The following AHCYL2 variants were observed in gnomAD, a reference collection of about 807,000 sequenced individuals.
The protein encoded by AHCYL2 is S-adenosylhomocysteine hydrolase-like protein 2.
A neutral mutation model predicts 81.4 loss-of-function variants in AHCYL2; 28 were observed. The observed-to-expected ratio is 0.34, with a 90% CI of 0.25 to 0.47. AHCYL2 has a LOEUF of 0.47. Among genes scored for constraint, AHCYL2 ranks in the 20% least tolerant of loss-of-function variants. The pLI is 1.00. For synonymous variants in AHCYL2, 272 were observed against 290.2 expected (o/e 0.94, Z 0.64); for missense variants, 551 against 785.1 (o/e 0.70, Z 3.56).
At chr7:129,234,359 C>T (rs1284864232) in intron 1 of AHCYL2, among the ~76,000 whole-genome samples, 1 of 152,154 alleles carries the variant, frequency 6.6e-6, no homozygotes, top group African/African-American at 2.4e-5. Context: ...ATTCTGCTGC[C>T]TCGGCCTCTC....
intron 1 of AHCYL2, among the ~76,000 whole-genome samples, chr7:129,359,294 C>A (rs1035914181): frequency 6.6e-6 from 1 of 152,112 alleles, no homozygotes; most frequent in Non-Finnish European, 1.5e-5. Context: ...ATAGGCAGAA[C>A]TGATCAGTGG....
intron 1 of AHCYL2, among the ~76,000 whole-genome samples, chr7:129,228,021 A>C (rs1042464168): frequency 6.6e-6 from 1 of 152,208 alleles, no homozygotes; most frequent in Non-Finnish European, 1.5e-5. Flanking sequence ...CATCTCACCA[A>C]GGAACTGCAG....
rs755547224 is a variant in AHCYL2 at position 129,225,036 on chromosome 7, A to G, written c.-41A>G. 5.1e-6 allele frequency: 8 copies of G among 1,560,740 alleles called. No homozygotes were observed. Among genetic ancestry groups the G allele is most frequent in the African/African-American group, 1.4e-5 (1 of 73,512 alleles). ...GTGGGAGGCGGGGCCGACCAAGAGC[A>G]GGAGCTGGAGTCTGAGCCGGTGGTT... is the stretch of plus-strand genomic sequence containing the variant. On this transcript the variant is annotated 5_prime_UTR_variant, in exon 1 of 17. Transcript: ENST00000325006.
At chr7:129,325,499 G>A (rs1018350070) in intron 1 of AHCYL2, among the ~76,000 whole-genome samples, 2 of 151,934 alleles carry the variant, frequency 1.3e-5, no homozygotes, top group Non-Finnish European at 2.9e-5. Flanking sequence ...ATGTTCCTTG[G>A]TGTAGTTTTG....
intron 1 of AHCYL2, among the ~76,000 whole-genome samples, chr7:129,295,908 T>G (rs1233519384): frequency 6.6e-6 from 1 of 152,228 alleles, no homozygotes; most frequent in Non-Finnish European, 1.5e-5. Context: ...TTTAAGTAAT[T>G]TGGCCAAAGT....
intron 1 of AHCYL2, chr7:129,283,287 C>A: frequency 2.2e-6 from 1 of 450,300 alleles, no homozygotes; most frequent in South Asian, 1.6e-5. Flanking sequence ...AGGCAGTAAG[C>A]AGAAGCATTC....
chr7:129,377,400 A>G, intron 1 of AHCYL2: 1 of 325,246 alleles, frequency 3.1e-6, no homozygotes. Flanking sequence ...TGCAAGCCCT[A>G]AAGCACTCTG....
intron 1 of AHCYL2, among the ~76,000 whole-genome samples, chr7:129,237,509 T>G (rs1434118161): frequency 6.6e-6 from 1 of 152,098 alleles, no homozygotes; most frequent in Non-Finnish European, 1.5e-5. Flanking sequence ...TACTACTGAT[T>G]TAGTGTTTAC....
At chr7:129,410,323 A>G in intron 11 of AHCYL2, 1 of 1,614,188 alleles carries the variant, frequency 6.2e-7, no homozygotes. Flanking sequence ...CAAACTCTTC[A>G]ATGTCATCAA....
At chr7:129,305,461 AAAAC>A (rs770307869) in intron 1 of AHCYL2, among the ~76,000 whole-genome samples, 24 of 152,142 alleles carry the variant, frequency 1.6e-4, no homozygotes, top group Admixed American at 3.9e-4. Flanking sequence ...ATCCATCTCA[AAAAC>A]AAACAAACAA....
chr7:129,426,441 A>G lies in AHCYL2; in HGVS notation c.1709-2A>G. The stretch of plus-strand genomic sequence containing the variant: ...TACCAGGGCTTCTGTGGTCTGTTCC[A>G]GATGAGTATGTGGCCAGCCTACACC... On this transcript the variant is annotated splice_acceptor_variant, in intron 15 of 16. Transcript: ENST00000325006. LOFTEE classifies it high-confidence loss of function. The surrounding 1 kb of genome is among the most constrained non-coding windows in gnomAD (Gnocchi z 4.3). 1 of 1,614,124 alleles carries G rather than the reference A, an allele frequency of 6.2e-7. No homozygotes were observed. The highest frequency in any genetic ancestry group is 8.5e-7 in the Non-Finnish European group (1 of 1,179,960).
chr7:129,339,968 G>C (rs1793107696), intron 1 of AHCYL2, among the ~76,000 whole-genome samples: 3 of 140,506 alleles, frequency 2.1e-5, no homozygotes, highest in Admixed American at 7.5e-5. Flanking sequence ...GCCCAGGCTG[G>C]AGTGCAGTGA....
rs1584798462 is a variant in AHCYL2 at position 129,338,691 on chromosome 7, G to A, written c.364-40947G>A. 2.0e-5 allele frequency among the ~76,000 whole-genome samples: 3 copies of A among 152,094 alleles called. No homozygotes were observed. In the East Asian group the frequency reaches 5.8e-4, roughly 29 times the overall value. On this transcript the variant is annotated intron_variant, in intron 1 of 16. Transcript: ENST00000325006. ...TTTATTTCTCTTTCTATGTAAACTG[G>A]TGACATGCTCTGCGTACTTGCCTGT...
chr7:129,403,461 A>G lies in AHCYL2; in HGVS notation c.1001A>G (p.Glu334Gly), dbSNP rs1796126423. The G allele has an allele frequency of 6.2e-7, 1 of 1,610,324 alleles. No homozygotes were observed. The highest frequency in any genetic ancestry group is 1.3e-5 in the African/African-American group (1 of 74,692). Residue 334 changes from glutamate (E) to glycine (G), a missense_variant, in exon 7 of 17, where the codon GAG (glutamate) becomes GGG (glycine). Coordinates refer to ENST00000325006, the MANE Select transcript of AHCYL2 (RefSeq NM_015328.4). The stretch of plus-strand genomic sequence containing the variant: ...TTTAAGAAAATCAAGGGCATAGTAG[A>G]GGAGAGTGTTACTGGAGTTCACAGG... Reference protein sequence around the residue: ...NMFKKIKGIVEESVTGVHRLY... With the variant: ...NMFKKIKGIVGESVTGVHRLY...
chr7:129,420,741 C>A (rs774154142), intron 12 of AHCYL2, among the ~76,000 whole-genome samples: 1 of 152,114 alleles, frequency 6.6e-6, no homozygotes, highest in Non-Finnish European at 1.5e-5. Flanking sequence ...CCACCTTGGC[C>A]TCCCAAAGTG....
rs188024309 is a variant in AHCYL2 at position 129,398,004 on chromosome 7, T to C, written c.823+680T>C. ...CAGTGAATTGTACATACGCATTCAT[T>C]TCTTTTCCTTTTTTTAAAAGTAGAA... is the stretch of plus-strand genomic sequence containing the variant. On this transcript the variant is annotated intron_variant, in intron 5 of 16. Coordinates refer to ENST00000325006, the MANE Select transcript of AHCYL2 (RefSeq NM_015328.4). Among the ~76,000 whole-genome samples the C allele has an allele frequency of 4.2e-3, 642 of 152,354 alleles. 2 individuals carry two copies. Among genetic ancestry groups the C allele is most frequent in the Middle Eastern group, 0.01 (3 of 294 alleles).
At chr7:129,268,766 A>C (rs945409181) in intron 1 of AHCYL2, among the ~76,000 whole-genome samples, 2 of 152,190 alleles carry the variant, frequency 1.3e-5, no homozygotes, top group Admixed American at 6.6e-5. Context: ...CTTTTGGTAG[A>C]ATGTTTTAGC....
At chr7:129,399,223 C>T (rs1316735286) in intron 5 of AHCYL2, among the ~76,000 whole-genome samples, 2 of 145,714 alleles carry the variant, frequency 1.4e-5, no homozygotes, top group Admixed American at 7.0e-5. Context: ...CTGAGGTGGG[C>T]GGATCATGAG....
At chr7:129,329,047 T>C (rs1323486773) in intron 1 of AHCYL2, among the ~76,000 whole-genome samples, 1 of 152,174 alleles carries the variant, frequency 6.6e-6, no homozygotes, top group Non-Finnish European at 1.5e-5. Context: ...GGCCAGAGGA[T>C]TGGGTTCCAG....
Sources: allele counts gnomAD v4.1 joint callset (sites outside exome capture counted in the v4.1 genomes callset), GRCh38; gene constraint gnomAD v4.1.1; non-coding constraint Gnocchi (gnomAD v3.1); transcripts MANE v1.5; gene names NCBI Gene and HGNC (gene_info 2026-07-23, HGNC 2026-07-21).